The following ENTREP2 variants were observed in gnomAD, a reference collection of about 807,000 sequenced individuals.
The protein encoded by ENTREP2 is endosomal transmembrane epsin interactor 2.
chr15:29,164,960 T>C, the ENTREP2 span, among the ~76,000 whole-genome samples: 532 of 151,904 alleles, frequency 3.5e-3, 3 homozygotes, highest in Non-Finnish European at 4.3e-3. Flanking sequence ...TTTAAGAAAA[T>C]TGAAATTATA....
chr15:29,339,475 TGAAC>T, the ENTREP2 span, among the ~76,000 whole-genome samples: 430 of 152,288 alleles, frequency 2.8e-3, 2 homozygotes, highest in African/African-American at 9.7e-3. Context: ...GATGTGGGGA[TGAAC>T]TGTGAAGTGA....
At chr15:29,130,016 G>A in the ENTREP2 span, among the ~76,000 whole-genome samples, 1 of 152,110 alleles carries the variant, frequency 6.6e-6, no homozygotes, top group Non-Finnish European at 1.5e-5. Context: ...TTACATTTCT[G>A]CCTCCCTTAT....
chr15:29,236,929 A>C, the ENTREP2 span, among the ~76,000 whole-genome samples: 1 of 152,164 alleles, frequency 6.6e-6, no homozygotes, highest in Non-Finnish European at 1.5e-5. Context: ...GAAAAGAAAA[A>C]CAACCATAAA....
At chr15:29,167,941 G>C in the ENTREP2 span, among the ~76,000 whole-genome samples, 2 of 152,132 alleles carry the variant, frequency 1.3e-5, no homozygotes, top group African/African-American at 2.4e-5. Flanking sequence ...ATCAATCAAT[G>C]AGTGGATAAA....
At chr15:29,663,671 C>A in the ENTREP2 span, among the ~76,000 whole-genome samples, 1 of 151,918 alleles carries the variant, frequency 6.6e-6, no homozygotes, top group African/African-American at 2.4e-5. Context: ...AATGAGAACA[C>A]TTGGACACAG....
At chr15:29,425,817 A>G in the ENTREP2 span, among the ~76,000 whole-genome samples, 2 of 152,026 alleles carry the variant, frequency 1.3e-5, no homozygotes, top group African/African-American at 4.8e-5. Context: ...TATAGTCTCT[A>G]TGCAACATGG....
the ENTREP2 span, among the ~76,000 whole-genome samples, chr15:29,159,204 G>C: frequency 6.6e-6 from 1 of 151,962 alleles, no homozygotes; most frequent in African/African-American, 2.4e-5. Flanking sequence ...TTGTGGTCTC[G>C]CTGGCCTAGG....
the ENTREP2 span, among the ~76,000 whole-genome samples, chr15:29,227,982 G>GA: frequency 8.7e-5 from 13 of 150,020 alleles, no homozygotes; most frequent in South Asian, 2.1e-4. Context: ...TTGCCGATGA[G>GA]AAAAAAAAAA....
chr15:29,664,806 C>A, the ENTREP2 span, among the ~76,000 whole-genome samples: 1 of 152,202 alleles, frequency 6.6e-6, no homozygotes, highest in African/African-American at 2.4e-5. Flanking sequence ...ATGGACCAAA[C>A]TTCTGCCTTT....
At chr15:29,500,442 A>G in the ENTREP2 span, among the ~76,000 whole-genome samples, 3 of 152,150 alleles carry the variant, frequency 2.0e-5, no homozygotes, top group African/African-American at 7.2e-5. Flanking sequence ...CAAAAGGAAA[A>G]CTGGAAATTC....
the ENTREP2 span, chr15:29,267,997 T>C: frequency 2.0e-5 from 3 of 152,288 alleles, no homozygotes; most frequent in East Asian, 1.9e-4. Context: ...GTGAGAAATA[T>C]ATTTCACCTC....
chr15:29,627,560 A>AT, the ENTREP2 span, among the ~76,000 whole-genome samples: 3 of 144,446 alleles, frequency 2.1e-5, no homozygotes, highest in Admixed American at 1.4e-4. Flanking sequence ...AAAAAAAAAA[A>AT]GTCATGTTAC....
the ENTREP2 span, among the ~76,000 whole-genome samples, chr15:29,647,656 A>G: frequency 1.5e-4 from 23 of 152,262 alleles, no homozygotes; most frequent in African/African-American, 4.8e-4. Context: ...GACACCTTAT[A>G]TTCCTTCCAG....
the ENTREP2 span, among the ~76,000 whole-genome samples, chr15:29,478,019 A>ATATATATTTTTTTT: frequency 1.8e-5 from 1 of 54,286 alleles, no homozygotes. Context: ...ATATATATAT[A>ATATATATTTTTTTT]TTTTTTTTTT....
At chr15:29,330,696 A>C in the ENTREP2 span, among the ~76,000 whole-genome samples, 2 of 152,214 alleles carry the variant, frequency 1.3e-5, no homozygotes, top group African/African-American at 4.8e-5. Flanking sequence ...TGGGAGAGAC[A>C]AAAAACATTA....
chr15:29,355,890 T>C, the ENTREP2 span, among the ~76,000 whole-genome samples: 1 of 152,172 alleles, frequency 6.6e-6, no homozygotes, highest in Admixed American at 6.5e-5. Context: ...GAGGAGGCTT[T>C]ATAACCTGAG....
At chr15:29,141,412 T>C in the ENTREP2 span, among the ~76,000 whole-genome samples, 1 of 152,168 alleles carries the variant, frequency 6.6e-6, no homozygotes, top group African/African-American at 2.4e-5. Flanking sequence ...GGATCATTAG[T>C]ATGAGCTCAT....
chr15:29,643,561 T>A, the ENTREP2 span, among the ~76,000 whole-genome samples: 1 of 152,154 alleles, frequency 6.6e-6, no homozygotes, highest in East Asian at 1.9e-4. Context: ...AGCAGGTGGA[T>A]CATGAGGTCA....
At chr15:29,275,963 C>G in the ENTREP2 span, among the ~76,000 whole-genome samples, 1 of 152,170 alleles carries the variant, frequency 6.6e-6, no homozygotes, top group African/African-American at 2.4e-5. Flanking sequence ...GGTGGGTAGA[C>G]AGCAGGAAAA....
Sources: allele counts gnomAD v4.1 joint callset (sites outside exome capture counted in the v4.1 genomes callset), GRCh38; gene constraint gnomAD v4.1.1; transcripts MANE v1.5; gene names NCBI Gene and HGNC (gene_info 2026-07-23, HGNC 2026-07-21).